Variants in ALOXE3 observed in about 807,000 individuals in gnomAD.
ALOXE3 encodes arachidonate epidermal lipoxygenase 3, also known as hydroperoxide isomerase ALOXE3.
A neutral mutation model predicts 87.5 loss-of-function variants in ALOXE3; 78 were observed. The observed-to-expected ratio is 0.89, with a 90% confidence interval of 0.74 to 1.08. ALOXE3 has a LOEUF of 1.08. ALOXE3 is among the 50% of genes least tolerant of loss of function. ALOXE3 has a pLI of 0.00. For missense variants in ALOXE3, 946 were observed against 912.4 expected (o/e 1.04, Z -0.47); for synonymous variants, 363 against 370.8 (o/e 0.98, Z 0.24).
At chr17:8,116,300 AAC>A (rs1472114014) in intron 3 of ALOXE3, among the ~76,000 whole-genome samples, 1 of 152,220 alleles carries the variant, frequency 6.6e-6, no homozygotes, top group African/African-American at 2.4e-5. Context: ...CCAGAAATTC[AAC>A]AAGGAATCCT....
At chr17:8,118,404 C>T in intron 1 of ALOXE3, 82 bp downstream of exon 1, 1 of 1,551,152 alleles carries the variant, frequency 6.4e-7, no homozygotes, top group Non-Finnish European at 8.7e-7. Flanking sequence ...GACTGATGCC[C>T]TGGAGTGCTT....
At position 8,110,052 on chromosome 17, in the gene ALOXE3, C is replaced by G. The variant is rs774279430; in HGVS notation, c.1305+40G>C. 11 of 1,583,156 alleles carry G rather than the reference C, an allele frequency of 6.9e-6. No individual in the cohort carries two copies. In the Admixed American group the frequency reaches 1.3e-4, roughly 18 times the overall value. The stretch of plus-strand genomic sequence containing the variant: ...GCTGAAGGCCGGGGACAAGGCCGCC[C>G]GGCCCCTGCCCCGCTGGGCCCCCAC... On this transcript the variant is annotated intron_variant, in intron 10 of 15. Coordinates refer to ENST00000448843, the MANE Select transcript of ALOXE3 (RefSeq NM_021628.3).
chr17:8,102,867 C>CA (rs1401986887), intron 15 of ALOXE3, among the ~76,000 whole-genome samples: 1 of 152,132 alleles, frequency 6.6e-6, no homozygotes, highest in African/African-American at 2.4e-5. Context: ...CACTGGTACT[C>CA]AGGAAGTGTG....
At chr17:8,104,953 A>G (rs1979183468) in intron 13 of ALOXE3, among the ~76,000 whole-genome samples, 1 of 151,966 alleles carries the variant, frequency 6.6e-6, no homozygotes, top group Non-Finnish European at 1.5e-5. Context: ...ACAACTCCCA[A>G]ATTCCCTTCT....
Position 8,117,904 on chromosome 17 carries a change from C to G in ALOXE3, c.87G>C (p.Thr29=). The G allele has an allele frequency of 6.2e-7, 1 of 1,612,192 alleles. No individual in the cohort carries two copies. Among genetic ancestry groups the G allele is most frequent in the Non-Finnish European group, 8.5e-7 (1 of 1,179,632 alleles). ...LDNISVTLVG[T]CGESPKQRLD... ...GCCGCTGCTTGGGGCTTTCACCACA[C>G]GTGCCCACCAGTGTGACAGAGATGT... Residue 29 remains threonine (T), a synonymous_variant, in exon 2 of 16, where the codon ACG becomes ACC. Transcript: ENST00000448843.
At chr17:8,098,850 AT>A (rs1442709380) in intron 15 of ALOXE3, among the ~76,000 whole-genome samples, 4 of 151,170 alleles carry the variant, frequency 2.6e-5, no homozygotes, top group Admixed American at 6.6e-5. Flanking sequence ...GTATATATAT[AT>A]TTTTTTCTTT....
Position 8,108,520 on chromosome 17 carries a change from C to T in ALOXE3, c.1632G>A (p.Gln544=), listed in dbSNP as rs1979707907. 1.2e-6 allele frequency: 2 copies of T among 1,613,666 alleles called. No individual in the cohort carries two copies. Among genetic ancestry groups the T allele is most frequent in the Admixed American group, 1.7e-5 (1 of 60,010 alleles). Residue 544 remains glutamine, a synonymous_variant, in exon 13 of 16, where the codon CAG becomes CAA. Coordinates refer to ENST00000448843, the MANE Select transcript of ALOXE3 (RefSeq NM_021628.3). ...DASVQQDSEL[Q]AWTGEIFAQA... is the part of the protein sequence containing the mutation. The stretch of plus-strand genomic sequence containing the variant: ...GAGCAAAAATCTCGCCAGTCCAGGC[C>T]TGCAGCTCCGAATCCTGCTGCACAG...
chr17:8,113,965 C>T lies in ALOXE3; in HGVS notation c.680+519G>A, dbSNP rs142213592. On this transcript the variant is annotated intron_variant, in intron 6 of 15. Transcript: ENST00000448843. Reference sequence around the variant, plus strand: ...GCTTGAACCCAGGAGGCAGAGGTTGCGGTGAGCCGAGATCGCGGCACTGCA... The same window carrying T: ...GCTTGAACCCAGGAGGCAGAGGTTGTGGTGAGCCGAGATCGCGGCACTGCA... Among the ~76,000 whole-genome samples the T allele has an allele frequency of 3.9e-3, 586 of 148,490 alleles. 4 individuals carry two copies. The highest frequency in any genetic ancestry group is 0.012 in the African/African-American group (472 of 39,918).
intron 12 of ALOXE3, among the ~76,000 whole-genome samples, chr17:8,108,797 GC>G (rs1214606424): frequency 6.6e-6 from 1 of 152,040 alleles, no homozygotes; most frequent in African/African-American, 2.4e-5. Context: ...CTTCCTTCCT[GC>G]ACAGGGGCCT....
intron 2 of ALOXE3, among the ~76,000 whole-genome samples, chr17:8,117,409 A>G (rs974160734): frequency 6.6e-6 from 1 of 152,222 alleles, no homozygotes; most frequent in Non-Finnish European, 1.5e-5. Flanking sequence ...AACAAGAGCA[A>G]AACTCCATCT....
intron 15 of ALOXE3, among the ~76,000 whole-genome samples, chr17:8,097,390 C>A (rs1978612620): frequency 6.6e-6 from 1 of 152,196 alleles, no homozygotes; most frequent in Admixed American, 6.5e-5. Flanking sequence ...AAAGTAAACA[C>A]TGCCCAGGAA....
intron 8 of ALOXE3, 72 bp from the exon 9 acceptor site, chr17:8,110,600 C>T (rs1979992253): frequency 1.2e-6 from 2 of 1,605,090 alleles, no homozygotes; most frequent in Non-Finnish European, 8.5e-7. Context: ...TCCCTGCCCA[C>T]TTCCACCCCA....
At chr17:8,097,407 C>A (rs1478246259) in intron 15 of ALOXE3, among the ~76,000 whole-genome samples, 2 of 152,074 alleles carry the variant, frequency 1.3e-5, no homozygotes, top group African/African-American at 4.8e-5. Context: ...GGAAATATAC[C>A]CAAGAATATA....
intron 13 of ALOXE3, among the ~76,000 whole-genome samples, chr17:8,105,914 CAA>C (rs1164518718): frequency 0.17 from 7,133 of 42,612 alleles, 99 homozygotes; most frequent in Non-Finnish European, 0.17. Flanking sequence ...GACCCCGCCT[CAA>C]AAAAAAAAAA....
intron 15 of ALOXE3, 28 bp downstream of exon 15, chr17:8,103,295 T>C: frequency 6.2e-7 from 1 of 1,612,442 alleles, no homozygotes; most frequent in Non-Finnish European, 8.5e-7. Flanking sequence ...TAAAGAACCC[T>C]ACTCCCCTCA....
chr17:8,118,208 C>T lies in ALOXE3; in HGVS notation c.-218G>A, dbSNP rs1295483975. ...GGCGGCTCGGGCTTCCTCTCTCCGCCCACAGTCTTGCACTCTAATACTTGT... is the reference window on the plus strand; with the variant it reads ...GGCGGCTCGGGCTTCCTCTCTCCGCTCACAGTCTTGCACTCTAATACTTGT... On this transcript the variant is annotated 5_prime_UTR_variant, in exon 2 of 16. Transcript: ENST00000448843. 1 of 1,551,658 alleles carries T rather than the reference C, an allele frequency of 6.4e-7. No individual in the cohort carries two copies. Among genetic ancestry groups the T allele is most frequent in the Admixed American group, 2.0e-5 (1 of 51,000 alleles).
At chr17:8,098,303 A>T (rs1378227926) in intron 15 of ALOXE3, among the ~76,000 whole-genome samples, 1 of 119,770 alleles carries the variant, frequency 8.3e-6, no homozygotes, top group Non-Finnish European at 1.6e-5. Flanking sequence ...CAGTGGCGCG[A>T]TCTTGGCTCG....
At chr17:8,109,503 C>A (rs1331586937) in intron 11 of ALOXE3, among the ~76,000 whole-genome samples, 160 bp from the exon 12 acceptor site, 1 of 152,198 alleles carries the variant, frequency 6.6e-6, no homozygotes, top group Non-Finnish European at 1.5e-5. Context: ...ACGCAGGCTG[C>A]GCAGCTTGAC....
rs1164518718 is a variant in ALOXE3, at chr17:8,105,914, C to CAAAA, written c.1685-1703_1685-1700dup. 1.5e-3 allele frequency among the ~76,000 whole-genome samples: 63 copies of CAAAA among 43,156 alleles called. 2 individuals are homozygous for CAAAA. Among genetic ancestry groups the CAAAA allele is most frequent in the African/African-American group, 2.6e-3 (28 of 10,728 alleles). The allele number at this position is 43,156 out of a possible 152,430, so 28.3% of individuals were successfully genotyped here. ...TGAGCATCAAAGTGAGACCCCGCCT[C>CAAAA]AAAAAAAAAAAAAAAAAAAAAAAGC... On this transcript the variant is annotated intron_variant, in intron 13 of 15. Transcript: ENST00000448843.
Sources: allele counts gnomAD v4.1 joint callset (sites outside exome capture counted in the v4.1 genomes callset), GRCh38; gene constraint gnomAD v4.1.1; transcripts MANE v1.5; gene names NCBI Gene and HGNC (gene_info 2026-07-23, HGNC 2026-07-21).